SH3PXD2A: variants seen among roughly 807,000 people sequenced by gnomAD.
The protein encoded by SH3PXD2A is SH3 and PX domains 2A, also known as SH3 and PX domain-containing protein 2A.
In SH3PXD2A, 32 loss-of-function variants were observed where a neutral mutation model predicts 115.2. The observed-to-expected ratio is 0.28, with a 90% CI of 0.21 to 0.37. The LOEUF is 0.37. Among genes scored for constraint, SH3PXD2A ranks in the 10% least tolerant of loss-of-function variants. The probability of loss-of-function intolerance (pLI) is 1.00; values close to 1 mark genes in which losing one functional copy is unlikely to be tolerated. For synonymous variants in SH3PXD2A, 610 were observed against 629.1 expected (o/e 0.97, Z 0.45); for missense variants, 1,328 against 1,498.7 (o/e 0.89, Z 1.88).
chr10:103,704,330 G>T (rs547297102), intron 5 of SH3PXD2A, among the ~76,000 whole-genome samples: 1 of 152,158 alleles, frequency 6.6e-6, no homozygotes, highest in Admixed American at 6.5e-5. Context: ...TCAGGGGGAG[G>T]GGGGAGCAAG....
Position 103,811,859 on chromosome 10 carries a change from C to T in SH3PXD2A, c.73-10497G>A, listed in dbSNP as rs540633294. On this transcript the variant is annotated intron_variant, in intron 1 of 14. Coordinates refer to ENST00000369774, the MANE Select transcript of SH3PXD2A (RefSeq NM_001394015.1). ...GCCTCCATACCCCATAAAATAAACA[C>T]ATAAAATAGTGTTAAGAATACCTGC... 1.2e-4 allele frequency among the ~76,000 whole-genome samples: 18 copies of T among 152,322 alleles called. No homozygotes were observed. The South Asian group carries it at 3.7e-3, about 32-fold the overall frequency.
chr10:103,676,689 CCT>C (rs2037538531), intron 6 of SH3PXD2A, among the ~76,000 whole-genome samples: 1 of 152,102 alleles, frequency 6.6e-6, no homozygotes, highest in African/African-American at 2.4e-5. Flanking sequence ...AGGTTCAGAG[CCT>C]CTCTGATCCC....
chr10:103,644,804 C>T (rs1039012242), intron 8 of SH3PXD2A, among the ~76,000 whole-genome samples: 1 of 152,146 alleles, frequency 6.6e-6, no homozygotes, highest in Non-Finnish European at 1.5e-5. Flanking sequence ...TCCCAATAGC[C>T]ACATGGGTTT....
At position 103,767,275 on chromosome 10, in the gene SH3PXD2A, G is replaced by A. The variant is rs143018669; in HGVS notation, c.154-106C>T. 2,464 of 791,802 alleles carry A rather than the reference G, an allele frequency of 3.1e-3. 8 individuals carry two copies. The highest frequency in any genetic ancestry group is 6.0e-3 in the South Asian group (403 of 67,006). 49.0% of individuals were successfully genotyped at this position (791,802 alleles called of 1,614,324 possible). A position where few individuals can be genotyped will look rare whatever the true frequency, so the allele number is the denominator to read the frequency against. ...CTCCAGGGCCCCAGTGTCCTCACAC[G>A]GATGAGTGACGCCTGAGATCCCTCA... is the stretch of plus-strand genomic sequence containing the variant. On this transcript the variant is annotated intron_variant, in intron 2 of 14. Transcript: ENST00000369774.
At chr10:103,664,670 C>CTCT (rs1554908417) in intron 7 of SH3PXD2A, among the ~76,000 whole-genome samples, 6 of 142,052 alleles carry the variant, frequency 4.2e-5, no homozygotes, top group African/African-American at 1.3e-4. Context: ...CTTTCTCTCT[C>CTCT]TTTTTTTTTT....
At position 103,601,080 on chromosome 10, in the gene SH3PXD2A, C is replaced by G. The variant is rs2036208142; in HGVS notation, c.*736G>C. 6.6e-6 allele frequency: 1 copy of G among 152,258 alleles called. No homozygotes were observed. Among genetic ancestry groups the G allele is most frequent in the African/African-American group, 2.4e-5 (1 of 41,464 alleles). The allele number at this position is 152,258 out of a possible 1,614,324, so 9.4% of individuals were successfully genotyped here. A position where few individuals can be genotyped will look rare whatever the true frequency, so the allele number is the denominator to read the frequency against. On this transcript the variant is annotated 3_prime_UTR_variant, in exon 15 of 15. Transcript: ENST00000369774. ...AGAGACCGGTGGCTTCGCCCACCCT[C>G]TCTGTAAACTCTGGTACTGTGTCCT...
intron 3 of SH3PXD2A, chr10:103,749,700 T>C (rs1262508921): frequency 1.3e-5 from 2 of 152,140 alleles, no homozygotes; most frequent in Non-Finnish European, 2.9e-5. Context: ...GTGGAAGCAA[T>C]TGGATATTGT....
At chr10:103,782,507 C>T (rs2038940282) in intron 2 of SH3PXD2A, among the ~76,000 whole-genome samples, 2 of 152,172 alleles carry the variant, frequency 1.3e-5, no homozygotes, top group Admixed American at 1.3e-4. Context: ...TCTCCCATTC[C>T]TTCATAACCA....
chr10:103,779,248 A>G lies in SH3PXD2A; in HGVS notation c.154-12079T>C, dbSNP rs146785690. 3.3e-3 allele frequency among the ~76,000 whole-genome samples: 497 copies of G among 152,250 alleles called. 8 individuals carry two copies. Among genetic ancestry groups the G allele is most frequent in the Non-Finnish European group, 1.2e-3 (82 of 67,994 alleles). On this transcript the variant is annotated intron_variant, in intron 2 of 14. Transcript: ENST00000369774. ...CACGCCCAGCTAATTTTGGTATTTT[A>G]GTAGAGACGGGGTTTCCTCATGTTG...
intron 1 of SH3PXD2A, among the ~76,000 whole-genome samples, chr10:103,820,271 C>A (rs1300432263): frequency 6.6e-6 from 1 of 152,108 alleles, no homozygotes; most frequent in Non-Finnish European, 1.5e-5. Context: ...CTTCTCCCTG[C>A]CCCTTCCTTC....
chr10:103,694,379 G>T (rs948305175), intron 5 of SH3PXD2A, among the ~76,000 whole-genome samples: 2 of 152,188 alleles, frequency 1.3e-5, no homozygotes, highest in Non-Finnish European at 2.9e-5. Flanking sequence ...GGCTCCCCAA[G>T]ATTCCAATCC....
chr10:103,695,843 A>G (rs1391856245), intron 5 of SH3PXD2A, among the ~76,000 whole-genome samples: 1 of 152,222 alleles, frequency 6.6e-6, no homozygotes, highest in African/African-American at 2.4e-5. Context: ...CCTGTCCTTC[A>G]GCCAGAGTTC....
At chr10:103,712,078 C>T (rs999682251) in intron 5 of SH3PXD2A, among the ~76,000 whole-genome samples, 2 of 151,512 alleles carry the variant, frequency 1.3e-5, no homozygotes, top group Middle Eastern at 3.4e-3. Flanking sequence ...AAGAAAATAA[C>T]CCCAAAACCT....
At chr10:103,766,787 A>G (rs191823475) in intron 3 of SH3PXD2A, among the ~76,000 whole-genome samples, 1 of 152,302 alleles carries the variant, frequency 6.6e-6, no homozygotes, top group African/African-American at 2.4e-5. Flanking sequence ...CTCTTCATCC[A>G]TTCATAGAAC....
chr10:103,727,167 A>C (rs923280892), intron 4 of SH3PXD2A, among the ~76,000 whole-genome samples: 14 of 152,224 alleles, frequency 9.2e-5, no homozygotes, highest in African/African-American at 3.4e-4. Context: ...CATTGCCTCC[A>C]CATACGATGG....
At chr10:103,652,824 A>C (rs1245405122) in intron 8 of SH3PXD2A, among the ~76,000 whole-genome samples, 18 of 152,190 alleles carry the variant, frequency 1.2e-4, no homozygotes, top group Non-Finnish European at 4.4e-5. Context: ...GTGCAAAGGT[A>C]CACCTGAGTC....
At chr10:103,785,878 T>C (rs1303822816) in intron 2 of SH3PXD2A, among the ~76,000 whole-genome samples, 1 of 151,150 alleles carries the variant, frequency 6.6e-6, no homozygotes, top group Admixed American at 6.6e-5. Flanking sequence ...AAAGACAGAA[T>C]CAGGGCGAGA....
Position 103,820,460 on chromosome 10 carries a change from C to G in SH3PXD2A, c.73-19098G>C, listed in dbSNP as rs543449053. On this transcript the variant is annotated intron_variant, in intron 1 of 14. Coordinates refer to ENST00000369774, the MANE Select transcript of SH3PXD2A (RefSeq NM_001394015.1). ...GGTCGGGCTTCCCGCCCCAATTCCC[C>G]GGTTCCTCATCAGGCTGAGGTTGAG... Among the ~76,000 whole-genome samples the G allele has an allele frequency of 1.3e-4, 20 of 152,318 alleles. No homozygotes were observed. In the South Asian group the frequency reaches 4.1e-3, roughly 32 times the overall value.
chr10:103,683,079 G>A (rs1402799004), intron 6 of SH3PXD2A, among the ~76,000 whole-genome samples: 4 of 152,106 alleles, frequency 2.6e-5, no homozygotes, highest in African/African-American at 9.7e-5. Context: ...CTCATGCCAG[G>A]CCAGGTGTGG....
Sources: gnomAD v4.1 joint callset for allele counts (sites outside exome capture counted in the v4.1 genomes callset) on GRCh38, gnomAD v4.1.1 for gene constraint, MANE v1.5 for transcripts, NCBI Gene and HGNC (gene_info 2026-07-23, HGNC 2026-07-21) for gene names.